The following CCDC192 variants were observed in gnomAD, a reference collection of about 807,000 sequenced individuals.
The protein encoded by CCDC192 is coiled-coil domain-containing protein 192.
At chr5:127,867,457 C>T (rs1751661017) in intron 5 of CCDC192, among the ~76,000 whole-genome samples, 1 of 152,224 alleles carries the variant, frequency 6.6e-6, no homozygotes, top group Non-Finnish European at 1.5e-5. Context: ...GGTTTCTGTG[C>T]TCTTCTACCC....
At chr5:127,795,303 A>C (rs1019251995) in intron 3 of CCDC192, among the ~76,000 whole-genome samples, 1 of 151,896 alleles carries the variant, frequency 6.6e-6, no homozygotes, top group African/African-American at 2.4e-5. Flanking sequence ...AAAAAAAAAA[A>C]AAAAAAACAA....
At chr5:127,782,685 G>GT (rs2126936200) in intron 3 of CCDC192, among the ~76,000 whole-genome samples, 1 of 151,828 alleles carries the variant, frequency 6.6e-6, no homozygotes, top group Admixed American at 6.5e-5. Flanking sequence ...TCTTATTGAG[G>GT]TTTTTTGGAT....
chr5:127,858,597 G>A (rs1212601159), intron 5 of CCDC192, among the ~76,000 whole-genome samples: 2 of 152,204 alleles, frequency 1.3e-5, no homozygotes, highest in Non-Finnish European at 2.9e-5. Flanking sequence ...TAAAGCCAGA[G>A]ACTATGATTG....
intron 6 of CCDC192, among the ~76,000 whole-genome samples, chr5:127,909,942 C>T (rs1282853963): frequency 3.9e-5 from 6 of 152,132 alleles, no homozygotes; most frequent in South Asian, 2.1e-4. Context: ...ATCAAATTTC[C>T]GTATTTTCAA....
intron 5 of CCDC192, among the ~76,000 whole-genome samples, chr5:127,799,662 G>A (rs568774148): frequency 3.8e-4 from 58 of 152,276 alleles, no homozygotes; most frequent in Middle Eastern, 6.8e-3. Context: ...AAAAGCCATA[G>A]TTCCTGGTGC....
rs967081760 is a variant in CCDC192, at chr5:127,783,069, C to T, written c.223-14034C>T. ...GGAGTTCAGTGGCACGATCTTGGCTCACTGCAACCTCTGCCTCCTGGGTTC... is the reference window on the plus strand; with the variant it reads ...GGAGTTCAGTGGCACGATCTTGGCTTACTGCAACCTCTGCCTCCTGGGTTC... On this transcript the variant is annotated intron_variant, in intron 3 of 6. Transcript: ENST00000514853. Among the ~76,000 whole-genome samples the T allele has an allele frequency of 2.0e-5, 3 of 151,338 alleles. No homozygotes were observed. The East Asian group carries it at 5.8e-4, about 29-fold the overall frequency.
intron 5 of CCDC192, among the ~76,000 whole-genome samples, chr5:127,818,328 A>G (rs1749123762): frequency 6.6e-6 from 1 of 152,168 alleles, no homozygotes; most frequent in African/African-American, 2.4e-5. Context: ...TTTGTCATCT[A>G]ATGCAGAGGT....
chr5:127,718,907 C>G (rs926488947), intron 2 of CCDC192, among the ~76,000 whole-genome samples: 1 of 151,994 alleles, frequency 6.6e-6, no homozygotes, highest in African/African-American at 2.4e-5. Context: ...ACAAACAATC[C>G]AATTATACTC....
At chr5:127,885,442 T>C (rs1752527791) in intron 6 of CCDC192, among the ~76,000 whole-genome samples, 1 of 152,186 alleles carries the variant, frequency 6.6e-6, no homozygotes. Context: ...TTGCAAACAA[T>C]TGGCAGCCAG....
chr5:127,746,912 T>A (rs1753782508), intron 2 of CCDC192, among the ~76,000 whole-genome samples: 1 of 152,082 alleles, frequency 6.6e-6, no homozygotes, highest in African/African-American at 2.4e-5. Context: ...AAAAACTGAA[T>A]GAATGCTGTA....
intron 5 of CCDC192, among the ~76,000 whole-genome samples, chr5:127,861,447 G>A (rs1169094790): frequency 6.6e-6 from 1 of 151,194 alleles, no homozygotes; most frequent in South Asian, 2.1e-4. Context: ...CTGAGATCAG[G>A]AGTTCGAGAC....
chr5:127,863,546 T>C (rs141565484), intron 5 of CCDC192, among the ~76,000 whole-genome samples: 424 of 152,270 alleles, frequency 2.8e-3, no homozygotes, highest in African/African-American at 9.6e-3. Flanking sequence ...TGCCAGAGGC[T>C]GGAAGGAGGA....
At chr5:127,744,538 T>C (rs1284295142) in intron 2 of CCDC192, among the ~76,000 whole-genome samples, 1 of 152,226 alleles carries the variant, frequency 6.6e-6, no homozygotes, top group Non-Finnish European at 1.5e-5. Flanking sequence ...AACTGACCTA[T>C]GTCAAAATGC....
chr5:127,748,705 G>C (rs1349389325), intron 2 of CCDC192, among the ~76,000 whole-genome samples: 1 of 142,578 alleles, frequency 7.0e-6, no homozygotes, highest in Admixed American at 7.2e-5. Context: ...GGGCAGTATG[G>C]CCATTTTCAC....
intron 5 of CCDC192, among the ~76,000 whole-genome samples, chr5:127,854,882 A>C (rs1336058283): frequency 6.6e-6 from 1 of 152,272 alleles, no homozygotes; most frequent in Non-Finnish European, 1.5e-5. Flanking sequence ...AAACTATAGA[A>C]TAGTGTAAAC....
At chr5:127,717,455 A>G (rs1442938983) in intron 2 of CCDC192, among the ~76,000 whole-genome samples, 1 of 138,874 alleles carries the variant, frequency 7.2e-6, no homozygotes, top group Non-Finnish European at 1.6e-5. Context: ...TGGCTCAAGC[A>G]GTGCATAGAA....
chr5:127,921,973 C>T (rs561850345), intron 6 of CCDC192, among the ~76,000 whole-genome samples: 71 of 152,284 alleles, frequency 4.7e-4, no homozygotes, highest in African/African-American at 1.7e-3. Flanking sequence ...ATATTTCTTC[C>T]TATTTTGTTT....
intron 5 of CCDC192, among the ~76,000 whole-genome samples, chr5:127,817,807 T>C (rs1749093118): frequency 6.6e-6 from 1 of 152,144 alleles, no homozygotes; most frequent in Non-Finnish European, 1.5e-5. Context: ...TTGAATTATT[T>C]CCCAAAGAAT....
At chr5:127,901,317 G>A (rs184823004) in intron 6 of CCDC192, among the ~76,000 whole-genome samples, 1 of 151,978 alleles carries the variant, frequency 6.6e-6, no homozygotes, top group Non-Finnish European at 1.5e-5. Flanking sequence ...TCAATGATTT[G>A]CAGTTATTTT....
Sources: gnomAD v4.1 joint callset for allele counts (sites outside exome capture counted in the v4.1 genomes callset) on GRCh38, gnomAD v4.1.1 for gene constraint, MANE v1.5 for transcripts, NCBI Gene and HGNC (gene_info 2026-07-23, HGNC 2026-07-21) for gene names.